Variants in TNS1 observed in about 807,000 individuals in gnomAD.
The protein encoded by TNS1 is tensin 1, also known as tensin-1.
A neutral mutation model predicts 168.6 loss-of-function variants in TNS1; 62 were observed. The ratio of observed to expected loss-of-function variants is 0.37; its 90% CI spans 0.30 to 0.45. The LOEUF (loss-of-function observed/expected upper bound fraction) is 0.45. Ranked by LOEUF, TNS1 falls within the 20% of genes least tolerant of loss-of-function variation. The pLI is 1.00. For synonymous variants in TNS1, 934 were observed against 933.2 expected (o/e 1.00, Z -0.02); for missense variants, 2,240 against 2,339.4 (o/e 0.96, Z 0.88).
At chr2:217,868,110 C>T (rs1404167652) in intron 18 of TNS1, among the ~76,000 whole-genome samples, 1 of 152,218 alleles carries the variant, frequency 6.6e-6, no homozygotes, top group Non-Finnish European at 1.5e-5. Context: ...CAGTAAAGAC[C>T]TATTGAATGA....
In TNS1 at chr2:217,848,859, G is replaced by A; in HGVS notation, c.1658C>T (p.Ala553Val). 6.2e-7 allele frequency: 1 copy of A among 1,614,020 alleles called. No individual in the cohort carries two copies. Among genetic ancestry groups the A allele is most frequent in the Non-Finnish European group, 8.5e-7 (1 of 1,180,004 alleles). ...TDEPVPGASS[A>V]TAALSPQEKR... ...CTCCTGGGGACTCAAGGCAGCAGTG[G>A]CACTGGAGGCCCCGGGGACAGGCTC... Residue 553 changes from alanine to valine, a missense_variant, in exon 19 of 33, where the codon GCC (alanine) becomes GTC (valine). Coordinates refer to ENST00000682258, the MANE Select transcript of TNS1 (RefSeq NM_001387777.1).
At chr2:217,862,711 G>C in intron 18 of TNS1, among the ~76,000 whole-genome samples, 1 of 151,918 alleles carries the variant, frequency 6.6e-6, no homozygotes, top group East Asian at 1.9e-4. Flanking sequence ...CAGTGCTGGA[G>C]TGAGATTGCC....
At chr2:217,954,775 C>T (rs3791892) in intron 3 of TNS1, among the ~76,000 whole-genome samples, 18,013 of 152,250 alleles carry the variant, frequency 0.12, 2,054 homozygotes, top group African/African-American at 0.3. Flanking sequence ...CCCAGCCACC[C>T]CTTGGGCCTT....
intron 3 of TNS1, among the ~76,000 whole-genome samples, chr2:217,935,832 G>T (rs975892029): frequency 6.6e-6 from 1 of 152,202 alleles, no homozygotes; most frequent in Non-Finnish European, 1.5e-5. Context: ...GTGAGCAAAG[G>T]GAAGCACTGG....
At position 217,813,953 on chromosome 2, in the gene TNS1, C is replaced by T. The variant is rs1365430073; in HGVS notation, c.4730-137G>A. 5 of 1,071,554 alleles carry T rather than the reference C, an allele frequency of 4.7e-6. No homozygotes were observed. In the African/African-American group the frequency reaches 8.2e-5, roughly 18 times the overall value. 66.4% of individuals were successfully genotyped at this position (1,071,554 alleles called of 1,614,324 possible). A position where few individuals can be genotyped will look rare whatever the true frequency, so the allele number is the denominator to read the frequency against. On this transcript the variant is annotated intron_variant, in intron 25 of 32. Coordinates refer to ENST00000682258, the MANE Select transcript of TNS1 (RefSeq NM_001387777.1). The surrounding 1 kb of genome is among the most constrained non-coding windows in gnomAD (Gnocchi z 4.0). ...TTTCTTTAAAGTTAAAATTTAACTA[C>T]TCCTACGGGTCTTCCTGTACTCAGG...
intron 4 of TNS1, among the ~76,000 whole-genome samples, chr2:217,918,889 A>G (rs1379788131): frequency 6.6e-6 from 1 of 152,166 alleles, no homozygotes; most frequent in Non-Finnish European, 1.5e-5. Context: ...CTCCGTATGA[A>G]TAACACTCCA....
rs551310014 is a variant in TNS1 at position 217,995,009 on chromosome 2, G to C, written c.34-3953C>G. On this transcript the variant is annotated intron_variant, in intron 1 of 32. Coordinates refer to ENST00000682258, the MANE Select transcript of TNS1 (RefSeq NM_001387777.1). The surrounding 1 kb of genome is among the most constrained non-coding windows in gnomAD (Gnocchi z 4.1). ...GTTTGGACCAGACAGTCTGAGTGTA[G>C]AGAGAGGGGGAAATGACACAACATT... Among the ~76,000 whole-genome samples the C allele has an allele frequency of 3.9e-5, 6 of 152,334 alleles. No homozygotes were observed. The highest frequency in any genetic ancestry group is 7.4e-5 in the Non-Finnish European group (5 of 68,024).
Position 217,971,368 on chromosome 2 carries a change from G to A in TNS1, c.186+7397C>T, listed in dbSNP as rs559087652. Among the ~76,000 whole-genome samples the A allele has an allele frequency of 1.4e-4, 22 of 152,302 alleles. No individual in the cohort carries two copies. The South Asian group carries it at 3.3e-3, about 23-fold the overall frequency. On this transcript the variant is annotated intron_variant, in intron 3 of 32. Coordinates refer to ENST00000682258, the MANE Select transcript of TNS1 (RefSeq NM_001387777.1). Reference sequence around the variant, plus strand: ...TCTGGCTTCTTTCACTCAGCATGACGTTTTAGAGGTTCATCCACACTGTTG... The same window carrying A: ...TCTGGCTTCTTTCACTCAGCATGACATTTTAGAGGTTCATCCACACTGTTG...
At position 217,835,177 on chromosome 2, in the gene TNS1, A is replaced by G. The variant is rs1472486014; in HGVS notation, c.3205-11T>C. 1 of 1,602,970 alleles carries G rather than the reference A, an allele frequency of 6.2e-7. No individual in the cohort carries two copies. Among genetic ancestry groups the G allele is most frequent in the South Asian group, 1.1e-5 (1 of 88,892 alleles). On this transcript the variant is annotated splice_polypyrimidine_tract_variant and intron_variant, in intron 20 of 32. Coordinates refer to ENST00000682258, the MANE Select transcript of TNS1 (RefSeq NM_001387777.1). ...GCTGTGCAAATGGGGCTGTGGGAGA[A>G]CACAGGGGAGAAAAAGAGGGAAACC...
chr2:217,987,822 C>T (rs574921178), intron 2 of TNS1, among the ~76,000 whole-genome samples: 1 of 152,318 alleles, frequency 6.6e-6, no homozygotes, highest in South Asian at 2.1e-4. Flanking sequence ...TCCACACATG[C>T]CCCCTCAGCC....
Position 217,813,932 on chromosome 2 carries a change from T to C in TNS1, c.4730-116A>G. The C allele has an allele frequency of 7.7e-7, 1 of 1,307,128 alleles. No individual in the cohort carries two copies. Among genetic ancestry groups the C allele is most frequent in the Non-Finnish European group, 1.0e-6 (1 of 1,000,826 alleles). The allele number at this position is 1,307,128 out of a possible 1,614,324, so 81.0% of individuals were successfully genotyped here. Reference sequence around the variant, plus strand: ...TCTTTCTTAGGTGAGACAAATTTTCTTTAAAGTTAAAATTTAACTACTCCT... The same window carrying C: ...TCTTTCTTAGGTGAGACAAATTTTCCTTAAAGTTAAAATTTAACTACTCCT... On this transcript the variant is annotated intron_variant, in intron 25 of 32. Transcript: ENST00000682258. The surrounding 1 kb of genome is among the most constrained non-coding windows in gnomAD (Gnocchi z 4.0).
chr2:217,885,968 C>T (rs1951161549), intron 14 of TNS1, 76 bp downstream of exon 14: 1 of 1,579,064 alleles, frequency 6.3e-7, no homozygotes, highest in East Asian at 2.2e-5. Flanking sequence ...ATTCTCTCCT[C>T]TCCCCAACCT....
intron 18 of TNS1, among the ~76,000 whole-genome samples, chr2:217,864,060 C>G (rs989469506): frequency 2.0e-5 from 3 of 152,148 alleles, no homozygotes; most frequent in Non-Finnish European, 4.4e-5. Context: ...CAGGGCCAGG[C>G]CCAGGAGCAT....
chr2:217,858,216 C>A (rs1948391381), intron 18 of TNS1, among the ~76,000 whole-genome samples: 1 of 152,160 alleles, frequency 6.6e-6, no homozygotes, highest in Non-Finnish European at 1.5e-5. Context: ...CACGGCCCCC[C>A]CACCAACCCA....
chr2:217,831,315 A>T (rs1428694958), intron 22 of TNS1, 140 bp downstream of exon 22: 4 of 648,846 alleles, frequency 6.2e-6, no homozygotes, highest in Non-Finnish European at 7.5e-6. Flanking sequence ...CCCTACACAG[A>T]GAGCCCCAAC....
chr2:217,991,320 C>CT (rs138772444), intron 1 of TNS1, among the ~76,000 whole-genome samples: 5,569 of 152,174 alleles, frequency 0.037, 327 homozygotes, highest in African/African-American at 0.13. Context: ...CCCCGCATGG[C>CT]TCCTACCTTG....
At chr2:218,019,026 G>A (rs964196734) in intron 1 of TNS1, among the ~76,000 whole-genome samples, 4 of 150,716 alleles carry the variant, frequency 2.7e-5, no homozygotes, top group African/African-American at 4.9e-5. Flanking sequence ...GCAGTGAGCC[G>A]AGATCACACC....
chr2:217,885,787 C>A lies in TNS1; in HGVS notation c.1073G>T (p.Cys358Phe), dbSNP rs1380582040. 1.9e-6 allele frequency: 3 copies of A among 1,614,030 alleles called. No individual in the cohort carries two copies. The highest frequency in any genetic ancestry group is 1.7e-5 in the Admixed American group (1 of 59,994). ...NIPGDSQTSV[C>F]ITIEPGLLLK... ...GAGCAGTCCTGGCTCGATGGTGATG[C>A]AGACGCTAGTCTGGCTGTCTCCTGG... Residue 358 changes from cysteine to phenylalanine, a missense_variant, in exon 15 of 33, where the codon TGC (cysteine) becomes TTC (phenylalanine). By Grantham distance (205) the Cys-to-Phe change is radical. Around this residue, in one of 2 missense-constraint regions of TNS1, gnomAD observed 2,131 missense variants for 2,171.2 expected, o/e 0.98. Transcript: ENST00000682258.
At chr2:217,919,331 C>T (rs1423581349) in intron 4 of TNS1, among the ~76,000 whole-genome samples, 3 of 152,352 alleles carry the variant, frequency 2.0e-5, no homozygotes, top group African/African-American at 4.8e-5. Flanking sequence ...ACAGCCACGC[C>T]CCGCCCCAGG....
Sources: allele counts gnomAD v4.1 joint callset (sites outside exome capture counted in the v4.1 genomes callset), GRCh38; gene constraint gnomAD v4.1.1; regional missense constraint gnomAD v4.1.1; non-coding constraint Gnocchi (gnomAD v3.1); transcripts MANE v1.5; gene names NCBI Gene and HGNC (gene_info 2026-07-23, HGNC 2026-07-21).